COTL1: variants seen among roughly 807,000 people sequenced by gnomAD.
COTL1 encodes the protein coactosin like F-actin binding protein 1.
COTL1 carries 15 observed loss-of-function variants against 16.5 expected under a neutral mutation model. The ratio of observed to expected loss-of-function variants is 0.91; its 90% CI spans 0.61 to 1.40. The LOEUF (loss-of-function observed/expected upper bound fraction) is 1.40, where lower values mean the gene tolerates loss of function less well. Ranked by LOEUF, COTL1 falls within the 40% of genes most tolerant of loss-of-function variation. The probability of loss-of-function intolerance (pLI) is 0.00; values close to 1 mark genes in which losing one functional copy is unlikely to be tolerated. For synonymous variants in COTL1, 112 were observed against 85.3 expected, an observed-to-expected ratio of 1.31 and a Z score of -1.73; for missense variants, 220 against 201.5, an observed-to-expected ratio of 1.09 and a Z score of -0.56.
At chr16:84,585,848 T>A (rs1239773797) in intron 3 of COTL1, among the ~76,000 whole-genome samples, 3 of 152,208 alleles carry the variant, frequency 2.0e-5, no homozygotes, top group African/African-American at 7.2e-5. Context: ...AAAATGCAAA[T>A]GATAATGGTC....
intron 3 of COTL1, among the ~76,000 whole-genome samples, chr16:84,583,244 G>T (rs555101979): frequency 6.6e-6 from 1 of 152,162 alleles, no homozygotes; most frequent in African/African-American, 2.4e-5. Context: ...CTATAAAACA[G>T]GGCAAGTGGC....
rs564375447 is a variant in COTL1, at chr16:84,572,876, C to T, written c.319-5921G>A. Among the ~76,000 whole-genome samples, 7 of 152,024 alleles carry T rather than the reference C, an allele frequency of 4.6e-5. No individual in the cohort carries two copies. In the South Asian group the frequency reaches 8.3e-4, roughly 18 times the overall value. ...CAAGCAATCCTACCACCTCAGCCAC[C>T]GAAGTAGCCGGGACTACAGGTACAC... is the stretch of plus-strand genomic sequence containing the variant. On this transcript the variant is annotated intron_variant, in intron 3 of 3. Transcript: ENST00000262428.
At chr16:84,573,937 C>T (rs1465488735) in intron 3 of COTL1, among the ~76,000 whole-genome samples, 1 of 152,122 alleles carries the variant, frequency 6.6e-6, no homozygotes, top group African/African-American at 2.4e-5. Context: ...GGGAGAATCG[C>T]TTGAACCCCG....
At chr16:84,578,400 C>T (rs1023925318) in intron 3 of COTL1, among the ~76,000 whole-genome samples, 1 of 152,216 alleles carries the variant, frequency 6.6e-6, no homozygotes, top group Admixed American at 6.5e-5. Flanking sequence ...ATCTACGTAA[C>T]ACTTCATATA....
intron 3 of COTL1, among the ~76,000 whole-genome samples, chr16:84,572,229 C>G (rs1245534575): frequency 1.3e-5 from 2 of 152,202 alleles, no homozygotes; most frequent in Non-Finnish European, 2.9e-5. Flanking sequence ...TGGAGGGAGC[C>G]TGCGTGGAGC....
At position 84,582,820 on chromosome 16, in the gene COTL1, C is replaced by T. The variant is rs80199809; in HGVS notation, c.318+7285G>A. On this transcript the variant is annotated intron_variant, in intron 3 of 3. Transcript: ENST00000262428. Reference sequence around the variant, plus strand: ...ACACAGAAATTCTAGTGATAAATACCTGCCCAAAGTCCTACACCTGTGAGC... The same window carrying T: ...ACACAGAAATTCTAGTGATAAATACTTGCCCAAAGTCCTACACCTGTGAGC... Among the ~76,000 whole-genome samples the T allele has an allele frequency of 7.4e-3, 1,127 of 152,268 alleles. 16 individuals carry two copies. Among genetic ancestry groups the T allele is most frequent in the African/African-American group, 0.026 (1,067 of 41,538 alleles).
At chr16:84,589,095 C>G (rs1904800922) in intron 3 of COTL1, among the ~76,000 whole-genome samples, 1 of 152,118 alleles carries the variant, frequency 6.6e-6, no homozygotes, top group Non-Finnish European at 1.5e-5. Context: ...CTCAGCCTCC[C>G]AAGTAGCTGG....
intron 2 of COTL1, chr16:84,595,848 T>C (rs1904991292): frequency 1.3e-5 from 2 of 152,046 alleles, no homozygotes; most frequent in Non-Finnish European, 2.9e-5. Context: ...TACAGGTGTA[T>C]ATATGTGTGT....
intron 3 of COTL1, chr16:84,576,480 A>G (rs1485025846): frequency 1.3e-5 from 2 of 152,198 alleles, no homozygotes; most frequent in Non-Finnish European, 2.9e-5. Context: ...GTCATATGCC[A>G]TACACTCTCC....
chr16:84,588,876 A>G (rs749023460), intron 3 of COTL1, among the ~76,000 whole-genome samples: 2 of 152,226 alleles, frequency 1.3e-5, no homozygotes, highest in East Asian at 3.8e-4. Flanking sequence ...TGCAACCACC[A>G]TGATAGTCAA....
rs1280864599 is a variant in COTL1, at chr16:84,597,477, G to A, written c.161-7215C>T. ...TGGTCCTCGGACCAGCAGCACCACAGCACCCGGGAACTTATTAGAAATGTG... is the reference window on the plus strand; with the variant it reads ...TGGTCCTCGGACCAGCAGCACCACAACACCCGGGAACTTATTAGAAATGTG... On this transcript the variant is annotated intron_variant, in intron 2 of 3. Transcript: ENST00000262428. 2.6e-5 allele frequency among the ~76,000 whole-genome samples: 4 copies of A among 152,160 alleles called. No homozygotes were observed. The East Asian group carries it at 7.7e-4, about 29-fold the overall frequency.
At chr16:84,600,987 A>T (rs1490530398) in intron 2 of COTL1, among the ~76,000 whole-genome samples, 1 of 151,950 alleles carries the variant, frequency 6.6e-6, no homozygotes, top group East Asian at 1.9e-4. Context: ...AGTGTGTTAG[A>T]CCTGACTCCA....
At chr16:84,583,021 T>G (rs902366071) in intron 3 of COTL1, among the ~76,000 whole-genome samples, 6 of 152,226 alleles carry the variant, frequency 3.9e-5, no homozygotes, top group Non-Finnish European at 7.3e-5. Flanking sequence ...TAATTTCATG[T>G]GCAACACGAG....
chr16:84,583,047 T>C (rs957332817), intron 3 of COTL1, among the ~76,000 whole-genome samples: 1 of 152,226 alleles, frequency 6.6e-6, no homozygotes, highest in African/African-American at 2.4e-5. Flanking sequence ...AAAAGGAGCA[T>C]CCAGCCCTGC....
chr16:84,616,407 G>A (rs1371973479), intron 2 of COTL1: 2 of 152,194 alleles, frequency 1.3e-5, no homozygotes, highest in East Asian at 3.8e-4. Flanking sequence ...GGAGGCTGAG[G>A]CAGGAGAATC....
intron 3 of COTL1, among the ~76,000 whole-genome samples, chr16:84,577,481 G>C (rs1458343985): frequency 6.6e-6 from 1 of 152,202 alleles, no homozygotes; most frequent in Non-Finnish European, 1.5e-5. Flanking sequence ...CTGACCTCAG[G>C]TGATCCACCT....
At chr16:84,586,120 A>G (rs372609589) in intron 3 of COTL1, among the ~76,000 whole-genome samples, 82 of 152,318 alleles carry the variant, frequency 5.4e-4, no homozygotes, top group Middle Eastern at 3.4e-3. Context: ...AGGGACCACC[A>G]TAGCATGGAC....
intron 3 of COTL1, among the ~76,000 whole-genome samples, chr16:84,574,652 C>A (rs1007950578): frequency 2.6e-5 from 4 of 152,124 alleles, no homozygotes; most frequent in African/African-American, 7.2e-5. Flanking sequence ...ATAGTGCGAT[C>A]GGCTCACTGC....
Position 84,590,027 on chromosome 16 carries a change from G to C in COTL1, c.318+78C>G. 1 of 1,477,304 alleles carries C rather than the reference G, an allele frequency of 6.8e-7. No homozygotes were observed. The highest frequency in any genetic ancestry group is 9.2e-7 in the Non-Finnish European group (1 of 1,082,718). 91.5% of individuals were successfully genotyped at this position (1,477,304 alleles called of 1,614,324 possible). On this transcript the variant is annotated intron_variant, in intron 3 of 3. Coordinates refer to ENST00000262428, the MANE Select transcript of COTL1 (RefSeq NM_021149.5). The surrounding 1 kb of genome is among the most constrained non-coding windows in gnomAD (Gnocchi z 5.5). ...CAGCTAAGCTACAGACCCAGGAGTC[G>C]AACCCAGCCCTCTCCCTCCTTGCAG...
Sources: allele counts gnomAD v4.1 joint callset (sites outside exome capture counted in the v4.1 genomes callset), GRCh38; gene constraint gnomAD v4.1.1; non-coding constraint Gnocchi (gnomAD v3.1); transcripts MANE v1.5; gene names NCBI Gene and HGNC (gene_info 2026-07-23, HGNC 2026-07-21).